MUC12: variants seen among roughly 807,000 people sequenced by gnomAD.
MUC12 encodes mucin-12.
In MUC12, 172 loss-of-function variants were observed where a neutral mutation model predicts 230.8. The ratio of observed to expected loss-of-function variants is 0.75; its 90% confidence interval spans 0.66 to 0.85. The LOEUF is 0.85. Among genes scored for constraint, MUC12 ranks in the 40% least tolerant of loss-of-function variants. MUC12 has a pLI of 0.00. For missense variants in MUC12, 3,506 were observed against 5,920.6 expected, an observed-to-expected ratio of 0.59 and a Z score of 13.38; for synonymous variants, 1,259 against 2,401.9, an observed-to-expected ratio of 0.52 and a Z score of 13.91.
chr7:100,986,317 C>T lies in MUC12; in HGVS notation c.68-4314C>T, dbSNP rs1277123123. 2.6e-5 allele frequency among the ~76,000 whole-genome samples: 4 copies of T among 151,970 alleles called. No homozygotes were observed. In the East Asian group the frequency reaches 7.8e-4, roughly 30 times the overall value. Reference sequence around the variant, plus strand: ...AAGTTTGAGGCTGCAGTTACTCCAGCCTAGAAGTAGGATGGTGATATAGTT... The same window carrying T: ...AAGTTTGAGGCTGCAGTTACTCCAGTCTAGAAGTAGGATGGTGATATAGTT... On this transcript the variant is annotated intron_variant, in intron 1 of 11. Coordinates refer to ENST00000536621, the MANE Select transcript of MUC12 (RefSeq NM_001164462.2).
At chr7:100,970,488 A>G (rs1792852083) in intron 1 of MUC12, among the ~76,000 whole-genome samples, 1 of 151,852 alleles carries the variant, frequency 6.6e-6, no homozygotes, top group Non-Finnish European at 1.5e-5. Flanking sequence ...ACACTGCCAA[A>G]AAAAAAAAGA....
intron 10 of MUC12, among the ~76,000 whole-genome samples, chr7:101,016,022 G>C (rs962085103): frequency 6.6e-6 from 1 of 152,152 alleles, no homozygotes; most frequent in Non-Finnish European, 1.5e-5. Flanking sequence ...GTGGGGATAG[G>C]GGGTCAGATT....
rs1431281550 is a variant in MUC12 at position 100,991,597 on chromosome 7, C to T, written c.1034C>T (p.Pro345Leu). The change falls in exon 2 of 12, where the codon CCA (proline) becomes CTA (leucine). Residue 345 changes from proline to leucine, a missense_variant. Physicochemically the swap from Pro to Leu is moderately conservative, Grantham distance 98. Transcript: ENST00000536621. ...SSPVATATTP[P>L]PARSATSGHV... ...CCAGTTGCAACTGCAACAACACCCC[C>T]ACCTGCCCGCTCCGCGACCTCAGGC... 1.3e-6 allele frequency: 2 copies of T among 1,536,626 alleles called. 1 individual carries two copies. Among genetic ancestry groups the T allele is most frequent in the Non-Finnish European group, 1.7e-6 (2 of 1,146,356 alleles).
chr7:101,017,585 G>C lies in MUC12; in HGVS notation c.15888G>C (p.Leu5296=), dbSNP rs1369831721. Residue 5296 remains leucine (L), a synonymous_variant, in exon 11 of 12, where the codon CTG becomes CTC. Coordinates refer to ENST00000536621, the MANE Select transcript of MUC12 (RefSeq NM_001164462.2). ...GGCCTCTCCCTACAGACCAGAATCT[G>C]AGGGAGAGCAGATTCGGCCTTGAGA... ...QKTAIWEDQN[L]RESRFGLENA... is the part of the protein sequence containing the mutation. 2 of 1,535,288 alleles carry C rather than the reference G, an allele frequency of 1.3e-6. No homozygotes were observed. The highest frequency in any genetic ancestry group is 1.7e-6 in the Non-Finnish European group (2 of 1,145,598).
chr7:101,009,084 G>A lies in MUC12; in HGVS notation c.15187-11G>A. On this transcript the variant is annotated splice_polypyrimidine_tract_variant and intron_variant, in intron 4 of 11. Transcript: ENST00000536621. ...AGCTTTGTGTGACCTTCGCTGCCTT[G>A]TTTCTTTCAGATGGATGTCGTTTTG... 1 of 1,537,724 alleles carries A rather than the reference G, an allele frequency of 6.5e-7. No homozygotes were observed.
rs938244191 is a variant in MUC12, at chr7:101,004,502, A to T, written c.13939A>T (p.Thr4647Ser). ...ACACACAATATCTTCACCTCCTAGC[A>T]CCACATCTGCCCTTGTTGAAGAACC... ...TTHTISSPPS[T>S]TSALVEEPTS... is the part of the protein sequence containing the mutation. The change falls in exon 2 of 12, where the codon ACC becomes TCC. Residue 4647 changes from threonine (T) to serine (S), a missense_variant. By Grantham distance (58) the Thr-to-Ser change is moderately conservative. Transcript: ENST00000536621. The T allele has an allele frequency of 6.5e-6, 10 of 1,534,366 alleles. No homozygotes were observed. Among genetic ancestry groups the T allele is most frequent in the South Asian group, 2.4e-5 (2 of 83,820 alleles).
At position 100,990,295 on chromosome 7, in the gene MUC12, C is replaced by G. The variant is rs558107044; in HGVS notation, c.68-336C>G. ...CATGCAAGGGATTTAGGCTGCACCCCCTTATGAGAATCTAACGGTAAATGT... is the reference window on the plus strand; with the variant it reads ...CATGCAAGGGATTTAGGCTGCACCCGCTTATGAGAATCTAACGGTAAATGT... On this transcript the variant is annotated intron_variant, in intron 1 of 11. Coordinates refer to ENST00000536621, the MANE Select transcript of MUC12 (RefSeq NM_001164462.2). Among the ~76,000 whole-genome samples the G allele has an allele frequency of 4.6e-5, 7 of 152,312 alleles. No homozygotes were observed. In the South Asian group the frequency reaches 1.5e-3, roughly 32 times the overall value.
At chr7:100,986,590 C>G (rs1793194553) in intron 1 of MUC12, among the ~76,000 whole-genome samples, 1 of 152,170 alleles carries the variant, frequency 6.6e-6, no homozygotes, top group Non-Finnish European at 1.5e-5. Context: ...ACCCCTGCAC[C>G]CCGGCCTTCC....
Position 100,991,918 on chromosome 7 carries a change from T to C in MUC12, c.1355T>C (p.Leu452Ser), listed in dbSNP as rs201668961. The C allele has an allele frequency of 1.1e-4, 167 of 1,536,120 alleles. No homozygotes were observed. Among genetic ancestry groups the C allele is most frequent in the Admixed American group, 1.4e-4 (7 of 50,858 alleles). Residue 452 changes from leucine (L) to serine (S), a missense_variant, in exon 2 of 12, where the codon TTA (leucine) becomes TCA (serine). Physicochemically the swap from Leu to Ser is moderately radical, Grantham distance 145. Transcript: ENST00000536621. ...CCAGATGCAATGGCAACAACAGTCT[T>C]ACCTGCCGGCTCTACACCCTCAGTT... Reference protein sequence around the residue: ...SSPDAMATTVLPAGSTPSVLV... With the variant: ...SSPDAMATTVSPAGSTPSVLV...
At chr7:100,985,423 C>T (rs1043276244) in intron 1 of MUC12, among the ~76,000 whole-genome samples, 1 of 152,144 alleles carries the variant, frequency 6.6e-6, no homozygotes, top group Non-Finnish European at 1.5e-5. Flanking sequence ...TTATAGCCTC[C>T]AGCTGCATGG....
chr7:100,972,943 C>T, intron 1 of MUC12: 1 of 703,058 alleles, frequency 1.4e-6, no homozygotes, highest in Non-Finnish European at 2.6e-6. Flanking sequence ...AAATCATTTC[C>T]ACAGGTCTGC....
In MUC12 at chr7:101,018,734, A is replaced by C; in HGVS notation, c.*98A>C. ...CCGGGGCGGGTCAAGAGGAGACCGA[A>C]GTCAGGCCCTGAAGCCGGTCCTGCT... On this transcript the variant is annotated 3_prime_UTR_variant, in exon 12 of 12. Transcript: ENST00000536621. The C allele has an allele frequency of 1.6e-6, 2 of 1,269,734 alleles. No homozygotes were observed. The allele number at this position is 1,269,734 out of a possible 1,614,324, so 78.7% of individuals were successfully genotyped here. A position where few individuals can be genotyped will look rare whatever the true frequency, so the allele number is the denominator to read the frequency against.
chr7:101,013,441 A>G (rs1009878534), intron 8 of MUC12, among the ~76,000 whole-genome samples: 1 of 152,026 alleles, frequency 6.6e-6, no homozygotes, highest in Non-Finnish European at 1.5e-5. Context: ...CTCTATCTCT[A>G]TCTCTATCTT....
At chr7:100,990,553 T>C (rs1273693582) in intron 1 of MUC12, 78 bp from the exon 2 acceptor site, 1 of 1,506,626 alleles carries the variant, frequency 6.6e-7, no homozygotes, top group South Asian at 1.2e-5. Flanking sequence ...AGCCCGGATG[T>C]GTCAGAATTG....
intron 1 of MUC12, among the ~76,000 whole-genome samples, chr7:100,982,596 C>T (rs1793125579): frequency 6.6e-6 from 1 of 151,938 alleles, no homozygotes; most frequent in Non-Finnish European, 1.5e-5. Flanking sequence ...AGCACCACGC[C>T]TGACTAATTT....
Position 101,018,627 on chromosome 7 carries a change from C to T in MUC12, c.15999C>T (p.Ser5333=), listed in dbSNP as rs758539615. Residue 5333 remains serine, a synonymous_variant, in exon 12 of 12, where the codon TCC becomes TCT. Transcript: ENST00000536621. The part of the protein sequence containing the change: ...LHIQRPEMVA[S]TV ...TCCAGAGGCCGGAGATGGTAGCATC[C>T]ACTGTGTGAGCCAACGGGGGCCTCC... 1 of 1,536,042 alleles carries T rather than the reference C, an allele frequency of 6.5e-7. No homozygotes were observed. The highest frequency in any genetic ancestry group is 8.7e-7 in the Non-Finnish European group (1 of 1,146,226).
chr7:100,995,618 A>T lies in MUC12; in HGVS notation c.5055A>T (p.Glu1685Asp). Residue 1685 changes from glutamate (E) to aspartate (D), a missense_variant, in exon 2 of 12, where the codon GAA (glutamate) becomes GAT (aspartate). Transcript: ENST00000536621. ...SPAGSTTRQG[E>D]STTFQSWPSS... ...CCGGCTCTACAACACGTCAGGGAGA[A>T]TCTACCACCTTCCAGAGCTGGCCAA... 1 of 1,537,002 alleles carries T rather than the reference A, an allele frequency of 6.5e-7. No individual in the cohort carries two copies. Among genetic ancestry groups the T allele is most frequent in the Non-Finnish European group, 8.7e-7 (1 of 1,147,038 alleles).
chr7:100,993,181 C>G lies in MUC12; in HGVS notation c.2618C>G (p.Pro873Arg). 2 of 1,146,194 alleles carry G rather than the reference C, an allele frequency of 1.7e-6. No individual in the cohort carries two copies. Among genetic ancestry groups the G allele is most frequent in the South Asian group, 2.8e-5 (2 of 71,184 alleles). The allele number at this position is 1,146,194 out of a possible 1,614,324, so 71.0% of individuals were successfully genotyped here. A position where few individuals can be genotyped will look rare whatever the true frequency, so the allele number is the denominator to read the frequency against. Residue 873 changes from proline (P) to arginine (R), a missense_variant, in exon 2 of 12, where the codon CCA (proline) becomes CGA (arginine). Pro to Arg is a moderately radical substitution (Grantham distance 103, BLOSUM62 -2). Transcript: ENST00000536621. ...GCATTCCCTGACAGCACCACCACGC[C>G]AGGCCTCAGTCGGCATTCTACAACT... Reference protein sequence around the residue: ...TTAFPDSTTTPGLSRHSTTSH... With the variant: ...TTAFPDSTTTRGLSRHSTTSH...
rs1490888012 is a variant in MUC12 at position 100,995,435 on chromosome 7, A to G, written c.4872A>G (p.Thr1624=). 11 of 1,533,624 alleles carry G rather than the reference A, an allele frequency of 7.2e-6. No homozygotes were observed. The highest frequency in any genetic ancestry group is 3.9e-5 in the Admixed American group (2 of 50,758). Residue 1624 remains threonine (T), a synonymous_variant, in exon 2 of 12, where the codon ACA becomes ACG. Coordinates refer to ENST00000536621, the MANE Select transcript of MUC12 (RefSeq NM_001164462.2). ...TDTTLSPGST[T]ASSLGPESTT... The stretch of plus-strand genomic sequence containing the variant: ...CAACATTGTCCCCTGGCAGTACCAC[A>G]GCATCATCCCTTGGTCCAGAATCTA...
Sources: gnomAD v4.1 joint callset for allele counts (sites outside exome capture counted in the v4.1 genomes callset) on GRCh38, gnomAD v4.1.1 for gene constraint, MANE v1.5 for transcripts, NCBI Gene and HGNC (gene_info 2026-07-23, HGNC 2026-07-21) for gene names.